The following PLB1 variants were observed in gnomAD, a reference collection of about 807,000 sequenced individuals.
The protein encoded by PLB1 is phospholipase B1, membrane-associated.
In PLB1, 242 loss-of-function variants were observed where a neutral mutation model predicts 227.4. The observed-to-expected ratio is 1.06, with a 90% CI of 0.96 to 1.18. The LOEUF (loss-of-function observed/expected upper bound fraction) is 1.18. PLB1 is among the 50% of genes most tolerant of loss of function. The probability of loss-of-function intolerance (pLI) is 0.00; values close to 1 mark genes in which losing one functional copy is unlikely to be tolerated. For missense variants in PLB1, 1,858 were observed against 1,816.3 expected, an observed-to-expected ratio of 1.02 and a Z score of -0.42; for synonymous variants, 757 against 682.2, an observed-to-expected ratio of 1.11 and a Z score of -1.71.
rs944528754 is a variant in PLB1, at chr2:28,539,274, C to T, written c.698+96C>T. On this transcript the variant is annotated intron_variant, in intron 11 of 57. Coordinates refer to ENST00000327757, the MANE Select transcript of PLB1 (RefSeq NM_153021.5). ...TCATGTGCCGTAATCTATGAGGGAG[C>T]CCTAAAGAACAGAGGCCAAAGGAGG... The T allele has an allele frequency of 2.3e-5, 26 of 1,139,084 alleles. No individual in the cohort carries two copies. The African/African-American group carries it at 2.4e-4, about 11-fold the overall frequency. 70.6% of individuals were successfully genotyped at this position (1,139,084 alleles called of 1,614,324 possible). A position where few individuals can be genotyped will look rare whatever the true frequency, so the allele number is the denominator to read the frequency against.
At chr2:28,543,941 C>G (rs181093039) in intron 14 of PLB1, among the ~76,000 whole-genome samples, 1 of 152,328 alleles carries the variant, frequency 6.6e-6, no homozygotes, top group Admixed American at 6.5e-5. Flanking sequence ...GCGTCGACGT[C>G]GAGGCTTTGA....
chr2:28,559,149 CG>C (rs1675629820), intron 17 of PLB1, among the ~76,000 whole-genome samples: 1 of 152,244 alleles, frequency 6.6e-6, no homozygotes, highest in Non-Finnish European at 1.5e-5. Context: ...CAGGTCCAAG[CG>C]CAGTACTTGA....
At chr2:28,585,205 A>G (rs570578907) in intron 25 of PLB1, among the ~76,000 whole-genome samples, 1 of 152,268 alleles carries the variant, frequency 6.6e-6, no homozygotes, top group Admixed American at 6.5e-5. Flanking sequence ...GTCTCCATAA[A>G]AGTCACTCCT....
At chr2:28,576,120 GC>G (rs10716651) in intron 21 of PLB1, among the ~76,000 whole-genome samples, 80,535 of 151,948 alleles carry the variant, frequency 0.53, 22,962 homozygotes, top group Middle Eastern at 0.68. Flanking sequence ...ATTTCCAGAG[GC>G]CTTGGGGCTC....
At position 28,601,925 on chromosome 2, in the gene PLB1, T is replaced by A; in HGVS notation, c.2634T>A (p.Val878=). The change falls in exon 38 of 58, where the codon GTT becomes GTA. Residue 878 remains valine, a synonymous_variant. Transcript: ENST00000327757. Reference sequence around the variant, plus strand: ...ATCTGTATTCTGCAGCCAACTTTGTTCACCATCTCCGCAATGCCTTGGACG... The same window carrying A: ...ATCTGTATTCTGCAGCCAACTTTGTACACCATCTCCGCAATGCCTTGGACG... ...DSNLYSAANF[V]HHLRNALDVL... The A allele has an allele frequency of 1.2e-6, 2 of 1,611,602 alleles. No homozygotes were observed. The highest frequency in any genetic ancestry group is 1.7e-6 in the Non-Finnish European group (2 of 1,177,768).
chr2:28,536,816 T>A (rs1264829456), intron 9 of PLB1, among the ~76,000 whole-genome samples: 1 of 152,192 alleles, frequency 6.6e-6, no homozygotes, highest in Non-Finnish European at 1.5e-5. Flanking sequence ...ACAGTTGGTG[T>A]CCCGAGCGAC....
At chr2:28,532,323 T>C (rs1671128701) in intron 9 of PLB1, 129 bp downstream of exon 9, 1 of 521,842 alleles carries the variant, frequency 1.9e-6, no homozygotes, top group Non-Finnish European at 3.4e-6. Context: ...AGAACATGGA[T>C]GGATGGATGG....
chr2:28,626,597 C>G, intron 51 of PLB1, 89 bp downstream of exon 51: 1 of 656,700 alleles, frequency 1.5e-6, no homozygotes. Context: ...GGCCCTGCCC[C>G]GAGCTCCTTG....
intron 1 of PLB1, among the ~76,000 whole-genome samples, chr2:28,508,883 CCTCAGT>C (rs1288158832): frequency 6.6e-6 from 1 of 152,194 alleles, no homozygotes; most frequent in Non-Finnish European, 1.5e-5. Context: ...TGAAGAGTGA[CCTCAGT>C]GCCACATGAG....
chr2:28,530,248 T>C (rs1194587400), intron 8 of PLB1, among the ~76,000 whole-genome samples: 1 of 152,156 alleles, frequency 6.6e-6, no homozygotes, highest in Non-Finnish European at 1.5e-5. Context: ...AGGGAGGTGG[T>C]GGAGAGCTTC....
intron 39 of PLB1, among the ~76,000 whole-genome samples, 173 bp from the exon 40 acceptor site, chr2:28,603,792 CT>C (rs1684257507): frequency 6.6e-6 from 1 of 152,226 alleles, no homozygotes; most frequent in East Asian, 1.9e-4. Flanking sequence ...TCCAGTGCCC[CT>C]GCCAGGCCTG....
intron 6 of PLB1, 37 bp from the exon 7 acceptor site, chr2:28,529,279 TG>T (rs756430761): frequency 2.1e-6 from 3 of 1,438,228 alleles, no homozygotes; most frequent in Middle Eastern, 3.6e-4. Context: ...GGCCTTCAGC[TG>T]GTGAAGGCCA....
intron 56 of PLB1, among the ~76,000 whole-genome samples, chr2:28,638,953 C>T (rs1212414841): frequency 1.3e-5 from 2 of 151,296 alleles, no homozygotes; most frequent in Admixed American, 1.3e-4. Context: ...ATCCCAGCTA[C>T]TCAGGGAGGC....
At chr2:28,522,105 C>T (rs939090686) in intron 4 of PLB1, among the ~76,000 whole-genome samples, 1 of 148,736 alleles carries the variant, frequency 6.7e-6, no homozygotes, top group African/African-American at 2.4e-5. Context: ...TGGAACTTGG[C>T]TTGGACTCCC....
At chr2:28,581,797 C>CA (rs955230098) in intron 23 of PLB1, among the ~76,000 whole-genome samples, 3 of 151,698 alleles carry the variant, frequency 2.0e-5, no homozygotes, top group African/African-American at 7.3e-5. Flanking sequence ...CCATCTCTAC[C>CA]AAAAAATACA....
chr2:28,543,596 C>T (rs771513601), intron 14 of PLB1, among the ~76,000 whole-genome samples: 24 of 152,348 alleles, frequency 1.6e-4, no homozygotes, highest in Non-Finnish European at 2.9e-4. Context: ...GTGCTCCCCT[C>T]ACCATTCCTG....
At chr2:28,549,412 C>CTTTTGTT (rs1673838711) in intron 15 of PLB1, among the ~76,000 whole-genome samples, 1 of 87,276 alleles carries the variant, frequency 1.1e-5, no homozygotes, top group Non-Finnish European at 2.0e-5. Context: ...GAGATTCTTT[C>CTTTTGTT]TTTTTTTTTT....
intron 2 of PLB1, among the ~76,000 whole-genome samples, chr2:28,517,518 G>A (rs960112985): frequency 6.6e-6 from 1 of 152,332 alleles, no homozygotes; most frequent in Non-Finnish European, 1.5e-5. Context: ...GGACACTCTG[G>A]TAGGGACATG....
chr2:28,524,484 G>A (rs75650257), intron 4 of PLB1, among the ~76,000 whole-genome samples: 17,463 of 151,934 alleles, frequency 0.11, 1,264 homozygotes, highest in East Asian at 0.35. Context: ...TACCTTGTTC[G>A]TTCCAAAAAT....
Sources: allele counts gnomAD v4.1 joint callset (sites outside exome capture counted in the v4.1 genomes callset), GRCh38; gene constraint gnomAD v4.1.1; transcripts MANE v1.5; gene names NCBI Gene and HGNC (gene_info 2026-07-23, HGNC 2026-07-21).